Variants in ITGA3 observed in about 807,000 individuals in gnomAD.
ITGA3 encodes the protein integrin subunit alpha 3, also known as integrin alpha-3.
Under a neutral mutation model 131.1 loss-of-function variants are expected in ITGA3, and 70 were observed. That is an observed-to-expected ratio of 0.53 (90% CI 0.44 to 0.65). ITGA3 has a LOEUF of 0.65. Ranked by LOEUF, ITGA3 falls within the 30% of genes least tolerant of loss-of-function variation. The pLI is 0.00. For synonymous variants in ITGA3, 537 were observed against 571.6 expected, an observed-to-expected ratio of 0.94 and a Z score of 0.86; for missense variants, 1,098 against 1,388.6, an observed-to-expected ratio of 0.79 and a Z score of 3.33.
At chr17:50,088,697 C>T (rs1345117163) in intron 25 of ITGA3, among the ~76,000 whole-genome samples, 1 of 152,204 alleles carries the variant, frequency 6.6e-6, no homozygotes, top group Non-Finnish European at 1.5e-5. Context: ...AATAATTCTA[C>T]ACTCCCATTT....
Position 50,077,583 on chromosome 17 carries a change from C to T in ITGA3, c.2139+136C>T, listed in dbSNP as rs564038265. The T allele has an allele frequency of 1.3e-4, 94 of 704,766 alleles. 1 individual carries two copies. The South Asian group carries it at 1.5e-3, about 11-fold the overall frequency. 43.7% of individuals were successfully genotyped at this position (704,766 alleles called of 1,614,324 possible). A position where few individuals can be genotyped will look rare whatever the true frequency, so the allele number is the denominator to read the frequency against. ...GAGAGCCACAGTGCGGGAGGAGAGA[C>T]TCAGTAGAGGGTGAGAAGAGGCCCA... On this transcript the variant is annotated intron_variant, in intron 16 of 25. Transcript: ENST00000320031.
intron 1 of ITGA3, 163 bp from the exon 2 acceptor site, chr17:50,063,914 T>C: frequency 1.0e-6 from 1 of 978,084 alleles, no homozygotes; most frequent in Non-Finnish European, 1.5e-6. Flanking sequence ...TCTAGTGTCT[T>C]TTTTCCTTGC....
chr17:50,073,408 G>C (rs1310181447), intron 7 of ITGA3, among the ~76,000 whole-genome samples: 3 of 152,048 alleles, frequency 2.0e-5, no homozygotes, highest in Non-Finnish European at 2.9e-5. Context: ...GGGGATAATA[G>C]TACCCACCCC....
rs377230224 is a variant in ITGA3 at position 50,079,177 on chromosome 17, G to A, written c.2502G>A (p.Thr834=). ...ATGGCAAGTGGCTGCTGTATCCCACGGAGATCACCGTCCATGGCAATGGGT... is the reference window on the plus strand; with the variant it reads ...ATGGCAAGTGGCTGCTGTATCCCACAGAGATCACCGTCCATGGCAATGGGT... The part of the protein sequence containing the change: ...VSNGKWLLYP[T]EITVHGNGSW... Residue 834 remains threonine (T), a synonymous_variant, in exon 20 of 26, where the codon ACG becomes ACA. Coordinates refer to ENST00000320031, the MANE Select transcript of ITGA3 (RefSeq NM_002204.4). 20 of 1,613,884 alleles carry A rather than the reference G, an allele frequency of 1.2e-5. No homozygotes were observed. Among genetic ancestry groups the A allele is most frequent in the African/African-American group, 4.0e-5 (3 of 74,864 alleles).
Position 50,077,043 on chromosome 17 carries a change from GC to G in ITGA3, c.1993del (p.Arg665AlafsTer61). Reference sequence around the variant, plus strand: ...ACGTGACGAACACCCGGACCTCGGAGCGCTCCGGGGAGGACGCCCACGAGGC... The same window carrying G: ...ACGTGACGAACACCCGGACCTCGGAGGCTCCGGGGAGGACGCCCACGAGGC... The part of the protein sequence containing the change: ...INVTNTRTSE[R>X]SGEDAHEALL... On this transcript the variant is annotated frameshift_variant, in exon 15 of 26. Coordinates refer to ENST00000320031, the MANE Select transcript of ITGA3 (RefSeq NM_002204.4). LOFTEE classifies it high-confidence loss of function. 6.2e-7 allele frequency: 1 copy of G among 1,609,072 alleles called. No individual in the cohort carries two copies. Among genetic ancestry groups the G allele is most frequent in the Non-Finnish European group, 8.5e-7 (1 of 1,177,534 alleles).
At chr17:50,075,395 G>C in intron 10 of ITGA3, 64 bp from the exon 11 acceptor site, 1 of 1,551,874 alleles carries the variant, frequency 6.4e-7, no homozygotes. Context: ...GTACAGAGGC[G>C]AGAGCTAGGG....
In ITGA3 at chr17:50,077,552, G is replaced by A. The variant is rs1290743525; in HGVS notation, c.2139+105G>A. 42 of 892,852 alleles carry A rather than the reference G, an allele frequency of 4.7e-5. No individual in the cohort carries two copies. The South Asian group carries it at 5.6e-4, about 12-fold the overall frequency. 55.3% of individuals were successfully genotyped at this position (892,852 alleles called of 1,614,324 possible). On this transcript the variant is annotated intron_variant, in intron 16 of 25. Coordinates refer to ENST00000320031, the MANE Select transcript of ITGA3 (RefSeq NM_002204.4). ...GCCTGCCTGCTTTCTGGGCTCCCTC[G>A]AAGTGGAGAGCCACAGTGCGGGAGG...
At chr17:50,076,844 C>G (rs769017734) in intron 14 of ITGA3, 130 bp from the exon 15 acceptor site, 194 of 1,207,428 alleles carry the variant, frequency 1.6e-4, no homozygotes, top group Non-Finnish European at 2.2e-4. Flanking sequence ...CCAGGTGCGA[C>G]TAGAGGACGG....
intron 21 of ITGA3, 142 bp from the exon 22 acceptor site, chr17:50,080,120 G>A (rs1447474399): frequency 3.5e-6 from 2 of 573,478 alleles, no homozygotes; most frequent in Non-Finnish European, 6.2e-6. Flanking sequence ...TGGGGGACGT[G>A]TGCATGAGTG....
At chr17:50,059,652 C>T (rs149824042) in intron 1 of ITGA3, among the ~76,000 whole-genome samples, 62 of 152,294 alleles carry the variant, frequency 4.1e-4, no homozygotes, top group African/African-American at 1.3e-3. Context: ...AAGAGGCTTT[C>T]AACTGGGCAG....
rs192415252 is a variant in ITGA3, at chr17:50,065,024, C to G, written c.414+417C>G. ...CCTGCTGACCCCGGCTCACCCAGCT[C>G]TGGTCTGGGGGCTAATCAAATGTGT... is the stretch of plus-strand genomic sequence containing the variant. On this transcript the variant is annotated intron_variant, in intron 3 of 25. Transcript: ENST00000320031. The G allele has an allele frequency of 5.5e-4, 91 of 164,130 alleles. No individual in the cohort carries two copies. In the East Asian group the frequency reaches 0.014, roughly 26 times the overall value. 10.2% of individuals were successfully genotyped at this position (164,130 alleles called of 1,614,324 possible).
intron 9 of ITGA3, 37 bp downstream of exon 9, chr17:50,074,317 T>G: frequency 6.2e-7 from 1 of 1,610,224 alleles, no homozygotes; most frequent in Non-Finnish European, 8.5e-7. Context: ...GTCTTTCTCT[T>G]CTTCATCTTT....
In ITGA3 at chr17:50,087,860, G is replaced by A; in HGVS notation, c.3036G>A (p.Leu1012=). The A allele has an allele frequency of 6.3e-7, 1 of 1,590,854 alleles. No individual in the cohort carries two copies. Among genetic ancestry groups the A allele is most frequent in the Non-Finnish European group, 8.6e-7 (1 of 1,168,130 alleles). ...GLLLLGLIIL[L]LWKCGFFKRA... is the part of the protein sequence containing the mutation. ...TGCTGCTGGGGCTGATCATCCTCCT[G>A]CTGTGGAAGGTTAGTAGCCCAGCCC... Residue 1012 remains leucine (L), a synonymous_variant, in exon 24 of 26, where the codon CTG becomes CTA. Coordinates refer to ENST00000320031, the MANE Select transcript of ITGA3 (RefSeq NM_002204.4).
chr17:50,066,322 T>C (rs188978084), intron 3 of ITGA3, among the ~76,000 whole-genome samples: 1,661 of 150,044 alleles, frequency 0.011, 20 homozygotes, highest in Non-Finnish European at 0.019. Context: ...TTCTTTCTTT[T>C]TTTTTTTTTT....
intron 5 of ITGA3, 148 bp from the exon 6 acceptor site, chr17:50,071,163 C>T: frequency 1.3e-6 from 1 of 763,456 alleles, no homozygotes; most frequent in Non-Finnish European, 2.1e-6. Context: ...TGGCTGCTGG[C>T]CATCTGGAGT....
At chr17:50,078,773 A>C in intron 18 of ITGA3, 51 bp from the exon 19 acceptor site, 91 of 1,020,192 alleles carry the variant, frequency 8.9e-5, no homozygotes, top group Non-Finnish European at 1.3e-4. Context: ...CCCCTCTGCC[A>C]GGGCCCTGGT....
chr17:50,068,177 C>G lies in ITGA3; in HGVS notation c.536C>G (p.Thr179Ser), dbSNP rs1417040242. Residue 179 changes from threonine (T) to serine (S), a missense_variant, in exon 4 of 26, where the codon ACC (threonine) becomes AGC (serine). Coordinates refer to ENST00000320031, the MANE Select transcript of ITGA3 (RefSeq NM_002204.4). ...LELDSSDDWQ[T>S]YHNEMCNSNT... ...CTGGACTCCAGTGATGACTGGCAGA[C>G]CTACCACAACGAGATGTGCAATAGC... The G allele has an allele frequency of 1.9e-6, 3 of 1,614,186 alleles. No individual in the cohort carries two copies. Among genetic ancestry groups the G allele is most frequent in the Non-Finnish European group, 1.7e-6 (2 of 1,180,048 alleles).
At chr17:50,059,425 G>A (rs1907974355) in intron 1 of ITGA3, among the ~76,000 whole-genome samples, 1 of 152,204 alleles carries the variant, frequency 6.6e-6, no homozygotes, top group Admixed American at 6.5e-5. Flanking sequence ...GCCCAGGGCA[G>A]GGTGGCTCCT....
In ITGA3 at chr17:50,072,308, G is replaced by A. The variant is rs534253939; in HGVS notation, c.1156+126G>A. On this transcript the variant is annotated intron_variant, in intron 7 of 25. Coordinates refer to ENST00000320031, the MANE Select transcript of ITGA3 (RefSeq NM_002204.4). ...CCACAGATGAGACAGGATGGGGCCG[G>A]ACCTGGGGAGCTCGCAGCAGTACTA... 15 of 826,578 alleles carry A rather than the reference G, an allele frequency of 1.8e-5. No homozygotes were observed. In the South Asian group the frequency reaches 2.3e-4, roughly 13 times the overall value. The allele number at this position is 826,578 out of a possible 1,614,324, so 51.2% of individuals were successfully genotyped here. A position where few individuals can be genotyped will look rare whatever the true frequency, so the allele number is the denominator to read the frequency against.
Sources: gnomAD v4.1 joint callset for allele counts (sites outside exome capture counted in the v4.1 genomes callset) on GRCh38, gnomAD v4.1.1 for gene constraint, MANE v1.5 for transcripts, NCBI Gene and HGNC (gene_info 2026-07-23, HGNC 2026-07-21) for gene names.